Variants in AFF1 observed in about 807,000 individuals in gnomAD.
The protein encoded by AFF1 is ALF transcription elongation factor 1.
In AFF1, 48 loss-of-function variants were observed where a neutral mutation model predicts 121.7. That is an observed-to-expected ratio of 0.39 (90% CI 0.31 to 0.50). AFF1 has a LOEUF of 0.50. AFF1 is among the 20% of genes least tolerant of loss of function. The pLI, the probability that AFF1 is intolerant of heterozygous loss-of-function variation, is 0.76. For synonymous variants in AFF1, 613 were observed against 563.0 expected (o/e 1.09, Z -1.26); for missense variants, 1,523 against 1,511.7 (o/e 1.01, Z -0.12).
At chr4:87,000,119 C>T (rs1189856301) in intron 2 of AFF1, among the ~76,000 whole-genome samples, 1 of 152,138 alleles carries the variant, frequency 6.6e-6, no homozygotes, top group African/African-American at 2.4e-5. Context: ...CCTGTGAGAG[C>T]ATGCTCATAT....
At chr4:87,020,308 TAAGA>T (rs1281985117) in intron 2 of AFF1, among the ~76,000 whole-genome samples, 1 of 152,344 alleles carries the variant, frequency 6.6e-6, no homozygotes, top group East Asian at 1.9e-4. Context: ...CACGACCATG[TAAGA>T]AAGAACGTAT....
At chr4:87,085,872 G>A (rs1466778900) in intron 5 of AFF1, among the ~76,000 whole-genome samples, 5 of 151,924 alleles carry the variant, frequency 3.3e-5, no homozygotes, top group Middle Eastern at 3.4e-3. Flanking sequence ...CCAAGTAGCC[G>A]GGATTACAGG....
chr4:86,985,199 ATATATATATATATAT>A (rs1348932925), intron 2 of AFF1, among the ~76,000 whole-genome samples: 3 of 133,498 alleles, frequency 2.2e-5, no homozygotes, highest in African/African-American at 6.2e-5. Flanking sequence ...ATATATATAT[ATATATATATATATAT>A]AAAATTATAT....
At chr4:86,938,808 A>G (rs78219683) in intron 1 of AFF1, among the ~76,000 whole-genome samples, 1,805 of 152,354 alleles carry the variant, frequency 0.012, 31 homozygotes, top group African/African-American at 0.041. Context: ...TGAGACCCCA[A>G]GGTCATCAGG....
chr4:86,950,425 C>T (rs1317468889), intron 2 of AFF1, among the ~76,000 whole-genome samples: 1 of 152,206 alleles, frequency 6.6e-6, no homozygotes, highest in Non-Finnish European at 1.5e-5. Context: ...CTGCCTTGGC[C>T]TCCCAAAGTG....
chr4:87,100,578 G>A (rs1725331604), intron 8 of AFF1, among the ~76,000 whole-genome samples: 1 of 152,116 alleles, frequency 6.6e-6, no homozygotes, highest in South Asian at 2.1e-4. Context: ...GTTACCCATT[G>A]AGAAATGGTG....
chr4:87,063,525 C>T (rs1015621948), intron 4 of AFF1, among the ~76,000 whole-genome samples: 1 of 152,078 alleles, frequency 6.6e-6, no homozygotes, highest in African/African-American at 2.4e-5. Flanking sequence ...AGGCGTGAGC[C>T]ACCGCGCCCG....
intron 2 of AFF1, among the ~76,000 whole-genome samples, chr4:86,994,872 CAG>C (rs1439511721): frequency 1.3e-5 from 2 of 151,966 alleles, no homozygotes; most frequent in African/African-American, 2.4e-5. Context: ...GGGGAGGGGA[CAG>C]AGAGAGGTTT....
intron 1 of AFF1, among the ~76,000 whole-genome samples, chr4:86,944,214 A>G (rs1720679386): frequency 6.6e-6 from 1 of 152,034 alleles, no homozygotes; most frequent in Non-Finnish European, 1.5e-5. Context: ...GCCAGCCAAA[A>G]AAATAACTAG....
At chr4:87,082,110 G>T (rs17668952) in intron 4 of AFF1, among the ~76,000 whole-genome samples, 19,705 of 152,134 alleles carry the variant, frequency 0.13, 1,742 homozygotes, top group Middle Eastern at 0.19. Flanking sequence ...CAAATATTTT[G>T]ATTGGATTCC....
Position 87,114,217 on chromosome 4 carries a change from T to C in AFF1, c.1534-150T>C, listed in dbSNP as rs1423135716. 4.1e-5 allele frequency: 26 copies of C among 634,976 alleles called. No homozygotes were observed. In the East Asian group the frequency reaches 5.7e-4, roughly 14 times the overall value. 39.3% of individuals were successfully genotyped at this position (634,976 alleles called of 1,614,324 possible). On this transcript the variant is annotated intron_variant, in intron 11 of 20. Transcript: ENST00000395146. ...TAAGAGTTAATTGTTATAGAACTTA[T>C]AACTTGAGGAGGATGACCGGAACCT...
chr4:87,029,013 G>A (rs1034080715), intron 2 of AFF1, among the ~76,000 whole-genome samples: 7 of 152,250 alleles, frequency 4.6e-5, no homozygotes, highest in Admixed American at 3.9e-4. Flanking sequence ...GAAATCTGGG[G>A]GTGAGTGAGT....
chr4:87,099,586 T>C (rs907971973), intron 8 of AFF1, among the ~76,000 whole-genome samples: 3 of 152,150 alleles, frequency 2.0e-5, no homozygotes, highest in Non-Finnish European at 2.9e-5. Flanking sequence ...TTTTTGTATT[T>C]TTAGTAGAGA....
Position 87,114,441 on chromosome 4 carries a change from A to T in AFF1, c.1608A>T (p.Pro536=), listed in dbSNP as rs1199356608. 3.1e-6 allele frequency: 5 copies of T among 1,613,380 alleles called. No individual in the cohort carries two copies. Among genetic ancestry groups the T allele is most frequent in the Admixed American group, 3.3e-5 (2 of 59,940 alleles). Residue 536 remains proline, a synonymous_variant, in exon 12 of 21, where the codon CCA becomes CCT. Coordinates refer to ENST00000395146, the MANE Select transcript of AFF1 (RefSeq NM_001166693.3). ...LTKVSQPAAP[P]EGPRSTEPPR... Reference sequence around the variant, plus strand: ...AAGTCAGCCAGCCAGCTGCGCCACCAGAGGGCCCCAGGAGCACAGAGCCCC... The same window carrying T: ...AAGTCAGCCAGCCAGCTGCGCCACCTGAGGGCCCCAGGAGCACAGAGCCCC...
At position 86,940,805 on chromosome 4, in the gene AFF1, G is replaced by T. The variant is rs529491447; in HGVS notation, c.-37+5565G>T. On this transcript the variant is annotated intron_variant, in intron 1 of 20. Transcript: ENST00000395146. The stretch of plus-strand genomic sequence containing the variant: ...TAATCATTAGAACCTGTGAAGGGAG[G>T]GGCTGGGCATGGTGGCTCATGCCTC... Among the ~76,000 whole-genome samples the T allele has an allele frequency of 2.0e-5, 3 of 151,718 alleles. No homozygotes were observed. In the East Asian group the frequency reaches 5.9e-4, roughly 30 times the overall value.
intron 4 of AFF1, chr4:87,048,075 A>C (rs963742058): frequency 5.5e-5 from 9 of 162,684 alleles, no homozygotes; most frequent in Non-Finnish European, 9.5e-5. Context: ...CCTGGGCTCT[A>C]AACCGTAAAA....
At chr4:87,030,589 A>G (rs530183997) in intron 2 of AFF1, among the ~76,000 whole-genome samples, 2 of 152,110 alleles carry the variant, frequency 1.3e-5, no homozygotes, top group Non-Finnish European at 2.9e-5. Context: ...ATGTCAGGAA[A>G]TAAGCGAACA....
rs756223669 is a variant in AFF1, at chr4:87,047,509, G to A, written c.974G>A (p.Arg325Gln). The A allele has an allele frequency of 6.8e-6, 11 of 1,614,014 alleles. No individual in the cohort carries two copies. Among genetic ancestry groups the A allele is most frequent in the Admixed American group, 3.3e-5 (2 of 60,008 alleles). The change falls in exon 4 of 21, where the codon CGA becomes CAA. Residue 325 changes from arginine to glutamine, a missense_variant. By Grantham distance (43) the Arg-to-Gln change is conservative. Transcript: ENST00000395146. ...CTGAAACCACTGCCGGAGGACTATCGACAGCAGACCTTTGAAAAAACAGAC... is the reference window on the plus strand; with the variant it reads ...CTGAAACCACTGCCGGAGGACTATCAACAGCAGACCTTTGAAAAAACAGAC... ...PELKPLPEDY[R>Q]QQTFEKTDLK...
In AFF1 at chr4:87,091,897, A is replaced by G. The variant is rs1216364719; in HGVS notation, c.1228+68A>G. On this transcript the variant is annotated intron_variant, in intron 7 of 20. Coordinates refer to ENST00000395146, the MANE Select transcript of AFF1 (RefSeq NM_001166693.3). Reference sequence around the variant, plus strand: ...ATAGCTTTTACTGTTTAACGTAAAAACATTAGTAAAAAATGCCCCAGCAGA... The same window carrying G: ...ATAGCTTTTACTGTTTAACGTAAAAGCATTAGTAAAAAATGCCCCAGCAGA... 5.8e-6 allele frequency: 7 copies of G among 1,203,096 alleles called. No individual in the cohort carries two copies. In the African/African-American group the frequency reaches 1.1e-4, roughly 19 times the overall value. The allele number at this position is 1,203,096 out of a possible 1,614,324, so 74.5% of individuals were successfully genotyped here. A position where few individuals can be genotyped will look rare whatever the true frequency, so the allele number is the denominator to read the frequency against.
Sources: gnomAD v4.1 joint callset for allele counts (sites outside exome capture counted in the v4.1 genomes callset) on GRCh38, gnomAD v4.1.1 for gene constraint, MANE v1.5 for transcripts, NCBI Gene and HGNC (gene_info 2026-07-23, HGNC 2026-07-21) for gene names.